Variants in ZFR observed in about 807,000 individuals in gnomAD.
The protein encoded by ZFR is zinc finger RNA-binding protein.
A neutral mutation model predicts 130.7 loss-of-function variants in ZFR; 19 were observed. The observed-to-expected ratio is 0.15, with a 90% CI of 0.10 to 0.21. ZFR has a LOEUF of 0.21. Among genes scored for constraint, ZFR ranks in the 10% least tolerant of loss-of-function variants. ZFR has a pLI of 1.00. For missense variants in ZFR, 872 were observed against 1,321.5 expected (o/e 0.66, Z 5.27); for synonymous variants, 466 against 456.9 (o/e 1.02, Z -0.25).
Position 32,444,700 on chromosome 5 carries a change from TG to T in ZFR, c.-43del. 6.7e-7 allele frequency: 1 copy of T among 1,502,200 alleles called. No individual in the cohort carries two copies. Among genetic ancestry groups the T allele is most frequent in the Non-Finnish European group, 8.9e-7 (1 of 1,125,310 alleles). The allele number at this position is 1,502,200 out of a possible 1,614,324, so 93.1% of individuals were successfully genotyped here. On this transcript the variant is annotated 5_prime_UTR_variant, in exon 1 of 20. Coordinates refer to ENST00000265069, the MANE Select transcript of ZFR (RefSeq NM_016107.5). ...TGCTGAACTCTGAACTCTCACCCGC[TG>T]CCTCCCTCCTCTGCCCCGCTCCTCC...
intron 19 of ZFR, among the ~76,000 whole-genome samples, chr5:32,361,721 C>T (rs760756867): frequency 5.3e-5 from 8 of 150,366 alleles, no homozygotes; most frequent in Non-Finnish European, 1.0e-4. Flanking sequence ...TGGGTTTAAG[C>T]GATTCTCGTG....
chr5:32,363,862 C>A, intron 19 of ZFR, 86 bp downstream of exon 19: 1 of 1,114,946 alleles, frequency 9.0e-7, no homozygotes, highest in Non-Finnish European at 1.3e-6. Flanking sequence ...TATATAGTGA[C>A]TTATAATATT....
At chr5:32,424,664 T>C (rs1392332747) in intron 2 of ZFR, among the ~76,000 whole-genome samples, 1 of 151,612 alleles carries the variant, frequency 6.6e-6, no homozygotes, top group Non-Finnish European at 1.5e-5. Flanking sequence ...GAGGAAAAAA[T>C]CCATTTGAAC....
At position 32,397,208 on chromosome 5, in the gene ZFR, A is replaced by AT; in HGVS notation, c.1833+10dup. On this transcript the variant is annotated intron_variant, in intron 10 of 19. Coordinates refer to ENST00000265069, the MANE Select transcript of ZFR (RefSeq NM_016107.5). ...TGTTTTAAAGAAGGTAATAGCTGAA[A>AT]TTTTACTCACTTTATATTGAAGTCT... is the stretch of plus-strand genomic sequence containing the variant. The AT allele has an allele frequency of 6.3e-7, 1 of 1,583,736 alleles. No homozygotes were observed. Among genetic ancestry groups the AT allele is most frequent in the Non-Finnish European group, 8.6e-7 (1 of 1,168,290 alleles).
chr5:32,436,227 C>T (rs1754330963), intron 2 of ZFR, among the ~76,000 whole-genome samples: 1 of 140,500 alleles, frequency 7.1e-6, no homozygotes, highest in Non-Finnish European at 1.5e-5. Flanking sequence ...CGGCTCACTG[C>T]AAGCTCCGCC....
intron 17 of ZFR, among the ~76,000 whole-genome samples, chr5:32,367,793 T>C (rs1438805805): frequency 6.6e-6 from 1 of 152,192 alleles, no homozygotes; most frequent in Non-Finnish European, 1.5e-5. Context: ...TCTCCAGTTA[T>C]AATAAGAGTA....
chr5:32,367,791 T>C (rs1279531880), intron 17 of ZFR, among the ~76,000 whole-genome samples: 5 of 152,164 alleles, frequency 3.3e-5, no homozygotes, highest in African/African-American at 1.2e-4. Flanking sequence ...CATCTCCAGT[T>C]ATAATAAGAG....
intron 6 of ZFR, among the ~76,000 whole-genome samples, chr5:32,405,126 G>C (rs1191432879): frequency 2.6e-5 from 4 of 152,182 alleles, no homozygotes; most frequent in African/African-American, 9.7e-5. Flanking sequence ...ATACAATTCA[G>C]AGCTGGATGG....
At chr5:32,358,222 T>C (rs1191362887) in intron 19 of ZFR, among the ~76,000 whole-genome samples, 1 of 152,280 alleles carries the variant, frequency 6.6e-6, no homozygotes, top group East Asian at 1.9e-4. Flanking sequence ...CCGGGTGTGG[T>C]GGCATGCACC....
At chr5:32,374,312 C>G (rs1752746747) in intron 17 of ZFR, among the ~76,000 whole-genome samples, 1 of 151,994 alleles carries the variant, frequency 6.6e-6, no homozygotes, top group Non-Finnish European at 1.5e-5. Context: ...TCTAGACTAC[C>G]CTGGCCAACA....
Position 32,400,108 on chromosome 5 carries a change from G to T in ZFR, c.1612C>A (p.Pro538Thr). 1 of 1,613,530 alleles carries T rather than the reference G, an allele frequency of 6.2e-7. No homozygotes were observed. The highest frequency in any genetic ancestry group is 1.1e-5 in the South Asian group (1 of 91,010). Residue 538 changes from proline to threonine, a missense_variant, in exon 9 of 20, where the codon CCT (proline) becomes ACT (threonine). Transcript: ENST00000265069. ...STPVTSAVQIPEVKQDTVSEP... is the reference protein window; with the variant it reads ...STPVTSAVQITEVKQDTVSEP... ...GACACTGTGTCTTGCTTTACTTCAG[G>T]AATCTGCACAGCAGAAGTGACAGGA... is the stretch of plus-strand genomic sequence containing the variant.
intron 17 of ZFR, among the ~76,000 whole-genome samples, chr5:32,367,579 C>A (rs1190294867): frequency 6.6e-6 from 1 of 152,058 alleles, no homozygotes; most frequent in Admixed American, 6.6e-5. Flanking sequence ...CCATGCTTGG[C>A]TAATTTTTAT....
At chr5:32,379,647 T>G in intron 16 of ZFR, 2 of 214,512 alleles carry the variant, frequency 9.3e-6, no homozygotes, top group South Asian at 1.4e-4. Flanking sequence ...CTTCCTCACC[T>G]TTCACTCCCT....
Position 32,403,982 on chromosome 5 carries a change from C to T in ZFR, c.1148G>A (p.Arg383His), listed in dbSNP as rs765916507. 2 of 1,614,128 alleles carry T rather than the reference C, an allele frequency of 1.2e-6. No homozygotes were observed. Among genetic ancestry groups the T allele is most frequent in the East Asian group, 2.2e-5 (1 of 44,884 alleles). Residue 383 changes from arginine (R) to histidine (H), a missense_variant, in exon 7 of 20, where the codon CGT (arginine) becomes CAT (histidine). Around this residue, in one of 7 missense-constraint regions of ZFR, gnomAD observed 21 missense variants for 54.4 expected, o/e 0.39. Transcript: ENST00000265069. The stretch of plus-strand genomic sequence containing the variant: ...ACAAGACACATCGCAGAGCTCACAA[C>T]GTAGCTGATTTTGAGTCCCACGAGT... ...SSTRGTQNQL[R>H]CELCDVSCTG...
At position 32,368,262 on chromosome 5, in the gene ZFR, C is replaced by T. The variant is rs189358845; in HGVS notation, c.2836-3987G>A. Among the ~76,000 whole-genome samples the T allele has an allele frequency of 3.6e-3, 546 of 152,102 alleles. 8 individuals carry two copies. Among genetic ancestry groups the T allele is most frequent in the Non-Finnish European group, 3.7e-3 (250 of 67,984 alleles). On this transcript the variant is annotated intron_variant, in intron 17 of 19. Transcript: ENST00000265069. ...ACTTTTTTCCCCCCCCAACAAGAGA[C>T]GGAGTTTCACTCTTGTTGTCCAGGC...
chr5:32,397,176 T>C lies in ZFR; in HGVS notation c.1833+43A>G, dbSNP rs747275499. ...AGAATGCTCTGGGTGTTTTTGTTTT[T>C]GTTTTTTGTTTTAAAGAAGGTAATA... On this transcript the variant is annotated intron_variant, in intron 10 of 19. Transcript: ENST00000265069. The C allele has an allele frequency of 2.0e-5, 31 of 1,559,802 alleles. No homozygotes were observed. In the Admixed American group the frequency reaches 6.2e-4, roughly 31 times the overall value.
chr5:32,358,846 A>C (rs1029928198), intron 19 of ZFR, among the ~76,000 whole-genome samples: 10 of 152,172 alleles, frequency 6.6e-5, no homozygotes, highest in African/African-American at 2.2e-4. Context: ...AAGGGAAGGC[A>C]AACTTTGGCA....
At chr5:32,442,903 C>G (rs192265632) in intron 2 of ZFR, among the ~76,000 whole-genome samples, 29 of 152,214 alleles carry the variant, frequency 1.9e-4, no homozygotes, top group Non-Finnish European at 3.7e-4. Context: ...TTCCCAACGT[C>G]ATAAAATCAA....
chr5:32,417,357 T>C (rs1753850809), intron 4 of ZFR, among the ~76,000 whole-genome samples: 1 of 152,198 alleles, frequency 6.6e-6, no homozygotes, highest in African/African-American at 2.4e-5. Flanking sequence ...TGGGCATTTC[T>C]GGCAAAGATA....
Sources: allele counts gnomAD v4.1 joint callset (sites outside exome capture counted in the v4.1 genomes callset), GRCh38; gene constraint gnomAD v4.1.1; regional missense constraint gnomAD v4.1.1; transcripts MANE v1.5; gene names NCBI Gene and HGNC (gene_info 2026-07-23, HGNC 2026-07-21).